HECTD4: variants seen among roughly 807,000 people sequenced by gnomAD.
The protein encoded by HECTD4 is probable E3 ubiquitin-protein ligase HECTD4.
HECTD4 carries 114 observed loss-of-function variants against 471.5 expected under a neutral mutation model. The observed-to-expected ratio is 0.24, with a 90% CI of 0.21 to 0.28. The LOEUF is 0.28. Ranked by LOEUF, HECTD4 falls within the 10% of genes least tolerant of loss-of-function variation. The pLI, the probability that HECTD4 is intolerant of heterozygous loss-of-function variation, is 1.00. For missense variants in HECTD4, 3,866 were observed against 5,651.5 expected (o/e 0.68, Z 10.13); for synonymous variants, 2,012 against 2,256.0 (o/e 0.89, Z 3.07).
intron 2 of HECTD4, among the ~76,000 whole-genome samples, chr12:112,315,688 T>C (rs894917056): frequency 6.6e-6 from 1 of 152,092 alleles, no homozygotes; most frequent in African/African-American, 2.4e-5. Flanking sequence ...ATTAACCAAC[T>C]CTAAGGAATT....
In HECTD4 at chr12:112,319,494, T is replaced by C. The variant is rs1436863643; in HGVS notation, c.426A>G (p.Thr142=). 10 of 1,501,912 alleles carry C rather than the reference T, an allele frequency of 6.7e-6. No homozygotes were observed. In the East Asian group the frequency reaches 2.0e-4, roughly 30 times the overall value. The allele number at this position is 1,501,912 out of a possible 1,614,324, so 93.0% of individuals were successfully genotyped here. ...AGACCAGCAGGAGCCCCATCCTCGATGTGAAGGGCGCTTGCTCAGGTTGCT... is the reference window on the plus strand; with the variant it reads ...AGACCAGCAGGAGCCCCATCCTCGACGTGAAGGGCGCTTGCTCAGGTTGCT... ...LLQQPEQAPF[T]SRMGLLLVFP... is the part of the protein sequence containing the mutation. Residue 142 remains threonine, a synonymous_variant, in exon 2 of 76, where the codon ACA becomes ACG. Coordinates refer to ENST00000682272, the MANE Select transcript of HECTD4 (RefSeq NM_001388303.1). This position sits in a 1 kb window ranked among gnomAD's most constrained non-coding sequence, Gnocchi z 5.3.
chr12:112,339,425 T>C (rs1283331523), intron 1 of HECTD4, among the ~76,000 whole-genome samples: 1 of 151,572 alleles, frequency 6.6e-6, no homozygotes, highest in East Asian at 1.9e-4. Context: ...ATGCATAATA[T>C]GATAAAATAA....
chr12:112,318,574 A>G (rs528444770), intron 2 of HECTD4, among the ~76,000 whole-genome samples: 2 of 152,224 alleles, frequency 1.3e-5, no homozygotes, highest in South Asian at 4.1e-4. Context: ...GGGTTTCACC[A>G]TGTTGGCCAG....
rs527540347 is a variant in HECTD4 at position 112,165,572 on chromosome 12, C to T, written c.12535-1297G>A. ...TTCACTGTGTTAGCCAGGATGGTCT[C>T]AATCTCCTGACCTCGTGATCTGCCC... On this transcript the variant is annotated intron_variant, in intron 72 of 75. Transcript: ENST00000682272. Among the ~76,000 whole-genome samples, 545 of 151,682 alleles carry T rather than the reference C, an allele frequency of 3.6e-3. 1 individual carries two copies. Among genetic ancestry groups the T allele is most frequent in the Non-Finnish European group, 5.7e-3 (387 of 67,884 alleles).
chr12:112,173,130 C>A lies in HECTD4; in HGVS notation c.11595-269G>T, dbSNP rs1387906267. On this transcript the variant is annotated intron_variant, in intron 66 of 75. Transcript: ENST00000682272. The surrounding 1 kb of genome is among the most constrained non-coding windows in gnomAD (Gnocchi z 4.3). ...CCACCCATGCCTCACTCCTGTGTGT[C>A]GGCAGCAGCACGTGAGGGTGAAGGA... Among the ~76,000 whole-genome samples, 2 of 152,164 alleles carry A rather than the reference C, an allele frequency of 1.3e-5. No individual in the cohort carries two copies. Among genetic ancestry groups the A allele is most frequent in the Non-Finnish European group, 2.9e-5 (2 of 68,038 alleles).
intron 20 of HECTD4, chr12:112,256,773 TA>T (rs1293173043): frequency 7.1e-6 from 2 of 281,068 alleles, no homozygotes; most frequent in African/African-American, 4.4e-5. Flanking sequence ...AGCAGAGATA[TA>T]TTTTCATTTT....
In HECTD4 at chr12:112,184,609, C is replaced by T. The variant is rs1454591120; in HGVS notation, c.10357G>A (p.Gly3453Arg). ...AGTGTCTTCTCGGGCTCAACTTTCC[C>T]GTCCCCGCCCTCGGCCTTGTCTTTT... The part of the protein sequence containing the change: ...KPKDKAEGGD[G>R]KVEPEKTLAF... The change falls in exon 61 of 76, where the codon GGG becomes AGG. Residue 3453 changes from glycine to arginine, a missense_variant. Transcript: ENST00000682272. This position sits in a 1 kb window ranked among gnomAD's most constrained non-coding sequence, Gnocchi z 9.1. 1 of 1,613,886 alleles carries T rather than the reference C, an allele frequency of 6.2e-7. No homozygotes were observed. The highest frequency in any genetic ancestry group is 8.5e-7 in the Non-Finnish European group (1 of 1,179,876).
chr12:112,178,884 C>T (rs371049703), intron 64 of HECTD4, 47 bp downstream of exon 64: 36 of 1,563,178 alleles, frequency 2.3e-5, no homozygotes, highest in East Asian at 4.5e-5. Flanking sequence ...AGGCCTCCCC[C>T]ACATCTGCCC....
intron 1 of HECTD4, among the ~76,000 whole-genome samples, chr12:112,334,598 G>A (rs1237996800): frequency 1.4e-5 from 2 of 139,658 alleles, no homozygotes; most frequent in Non-Finnish European, 1.5e-5. Context: ...TTCGAGACCA[G>A]CCTGGTCAAC....
intron 19 of HECTD4, 100 bp downstream of exon 19, chr12:112,259,012 G>T: frequency 9.7e-7 from 1 of 1,025,964 alleles, no homozygotes; most frequent in Non-Finnish European, 1.4e-6. Context: ...GTTTCTGAAA[G>T]GCAGGATTAT....
chr12:112,266,525 G>A (rs949098826), intron 14 of HECTD4, among the ~76,000 whole-genome samples: 2 of 152,194 alleles, frequency 1.3e-5, no homozygotes, highest in African/African-American at 2.4e-5. Context: ...CTGTTGCCCA[G>A]GCTAGAGTGC....
rs1358886165 is a variant in HECTD4 at position 112,252,594 on chromosome 12, T to G, written c.3448-66A>C. The G allele has an allele frequency of 3.2e-6, 5 of 1,551,774 alleles. No individual in the cohort carries two copies. In the Admixed American group the frequency reaches 5.9e-5, roughly 18 times the overall value. On this transcript the variant is annotated intron_variant, in intron 22 of 75. Transcript: ENST00000682272. Reference sequence around the variant, plus strand: ...AAGATACACAATTTCAAAAGAGCAATGAATTTCAGAGGTTTACTTTCAAAA... The same window carrying G: ...AAGATACACAATTTCAAAAGAGCAAGGAATTTCAGAGGTTTACTTTCAAAA...
chr12:112,186,255 G>T (rs866640070), intron 60 of HECTD4, among the ~76,000 whole-genome samples: 28 of 150,456 alleles, frequency 1.9e-4, no homozygotes, highest in African/African-American at 6.9e-4. Context: ...CTCCCAAAGT[G>T]CTGGGTTTAC....
At chr12:112,345,434 CA>C (rs2036131562) in intron 1 of HECTD4, among the ~76,000 whole-genome samples, 2 of 151,836 alleles carry the variant, frequency 1.3e-5, no homozygotes, top group African/African-American at 4.8e-5. Flanking sequence ...ATAAGAAACA[CA>C]AAAGTAAATA....
rs1407891158 is a variant in HECTD4 at position 112,194,624 on chromosome 12, C to T, written c.8749+261G>A. Among the ~76,000 whole-genome samples, 1 of 152,242 alleles carries T rather than the reference C, an allele frequency of 6.6e-6. No homozygotes were observed. The highest frequency in any genetic ancestry group is 2.4e-5 in the African/African-American group (1 of 41,466). ...CAGTGACTTGGTTTCATAAGTAATA[C>T]TTAATTTTCCTTGATCCACAATTAC... is the stretch of plus-strand genomic sequence containing the variant. On this transcript the variant is annotated intron_variant, in intron 56 of 75. Transcript: ENST00000682272. The surrounding 1 kb of genome is among the most constrained non-coding windows in gnomAD (Gnocchi z 4.6).
At chr12:112,313,243 A>T (rs1233675336) in intron 3 of HECTD4, 96 bp from the exon 4 acceptor site, 46 of 843,572 alleles carry the variant, frequency 5.5e-5, no homozygotes, top group Admixed American at 1.9e-4. Context: ...CCAAAATTTT[A>T]AAACTAAGAT....
intron 60 of HECTD4, among the ~76,000 whole-genome samples, chr12:112,187,275 C>T (rs901317033): frequency 6.6e-6 from 1 of 152,182 alleles, no homozygotes; most frequent in African/African-American, 2.4e-5. Context: ...TGCGCCTGGC[C>T]GGCTGGCATA....
intron 48 of HECTD4, among the ~76,000 whole-genome samples, chr12:112,214,184 T>G (rs949105533): frequency 6.6e-6 from 1 of 152,184 alleles, no homozygotes; most frequent in Non-Finnish European, 1.5e-5. Flanking sequence ...TGTTATCTGA[T>G]AAGATGACTG....
rs367589851 is a variant in HECTD4, at chr12:112,199,452, C to A, written c.8567+1186G>T. Among the ~76,000 whole-genome samples, 65 of 152,224 alleles carry A rather than the reference C, an allele frequency of 4.3e-4. 1 individual carries two copies. Among genetic ancestry groups the A allele is most frequent in the African/African-American group, 1.5e-3 (64 of 41,550 alleles). ...CTGGAGTTCCAGTGAGAGATGAGAG[C>A]TGGAGATACACTCAACTTGATTCAA... is the stretch of plus-strand genomic sequence containing the variant. On this transcript the variant is annotated intron_variant, in intron 55 of 75. Transcript: ENST00000682272.
Sources: allele counts gnomAD v4.1 joint callset (sites outside exome capture counted in the v4.1 genomes callset), GRCh38; gene constraint gnomAD v4.1.1; non-coding constraint Gnocchi (gnomAD v3.1); transcripts MANE v1.5; gene names NCBI Gene and HGNC (gene_info 2026-07-23, HGNC 2026-07-21).